The following YPEL2 variants were observed in gnomAD, a reference collection of about 807,000 sequenced individuals.
YPEL2 encodes yippee like 2.
In YPEL2, 2 loss-of-function variants were observed where a neutral mutation model predicts 19.1. The ratio of observed to expected loss-of-function variants is 0.10; its 90% CI spans 0.04 to 0.33. The LOEUF (loss-of-function observed/expected upper bound fraction) is 0.33. Among genes scored for constraint, YPEL2 ranks in the 10% least tolerant of loss-of-function variants. YPEL2 has a pLI of 1.00. For synonymous variants in YPEL2, 52 were observed against 50.0 expected (o/e 1.04, Z -0.17); for missense variants, 66 against 140.7 (o/e 0.47, Z 2.68).
intron 2 of YPEL2, among the ~76,000 whole-genome samples, chr17:59,359,240 G>A (rs1036504001): frequency 2.6e-5 from 4 of 152,150 alleles, no homozygotes; most frequent in Non-Finnish European, 4.4e-5. Context: ...TGTTTTTAAT[G>A]TACAATAAAA....
chr17:59,335,395 C>T (rs1337704625), intron 1 of YPEL2, among the ~76,000 whole-genome samples: 1 of 152,110 alleles, frequency 6.6e-6, no homozygotes, highest in African/African-American at 2.4e-5. Context: ...CCTACTCCCC[C>T]ATCTTCTGCC....
intron 4 of YPEL2, among the ~76,000 whole-genome samples, chr17:59,391,194 C>T (rs2048005663): frequency 3.3e-5 from 5 of 152,120 alleles, no homozygotes; most frequent in Admixed American, 3.3e-4. Flanking sequence ...GGCTCATGAA[C>T]TGCCTCTGGC....
intron 2 of YPEL2, among the ~76,000 whole-genome samples, chr17:59,374,496 AC>A (rs1200808336): frequency 6.6e-6 from 1 of 152,202 alleles, no homozygotes; most frequent in Non-Finnish European, 1.5e-5. Flanking sequence ...AATGGCGCTC[AC>A]CAGAGGAAAG....
In YPEL2 at chr17:59,370,898, A is replaced by T. The variant is rs952344686; in HGVS notation, c.117+17372A>T. Among the ~76,000 whole-genome samples the T allele has an allele frequency of 2.6e-5, 4 of 152,298 alleles. No homozygotes were observed. The East Asian group carries it at 7.7e-4, about 29-fold the overall frequency. On this transcript the variant is annotated intron_variant, in intron 2 of 4. Coordinates refer to ENST00000312655, the MANE Select transcript of YPEL2 (RefSeq NM_001005404.4). ...GAAGCCCCAATTAATGTGTAGTCCA[A>T]CTGGGTCAGGGGGAGTGACCCTGTG...
At chr17:59,340,490 A>C (rs2047723369) in intron 1 of YPEL2, among the ~76,000 whole-genome samples, 1 of 144,540 alleles carries the variant, frequency 6.9e-6, no homozygotes, top group Admixed American at 7.0e-5. Flanking sequence ...ATCTCAGCTC[A>C]CTGCAGGCTC....
intron 2 of YPEL2, among the ~76,000 whole-genome samples, chr17:59,360,839 T>C (rs1185205059): frequency 6.6e-6 from 1 of 152,122 alleles, no homozygotes; most frequent in African/African-American, 2.4e-5. Context: ...GGATTTTTTT[T>C]CTCTTTTTTT....
intron 2 of YPEL2, among the ~76,000 whole-genome samples, chr17:59,386,574 T>C (rs2147956119): frequency 6.6e-6 from 1 of 152,040 alleles, no homozygotes; most frequent in South Asian, 2.1e-4. Flanking sequence ...AAGGACATAA[T>C]GGGGAGGTAG....
At chr17:59,352,318 G>C (rs1227246972) in intron 1 of YPEL2, among the ~76,000 whole-genome samples, 2 of 152,134 alleles carry the variant, frequency 1.3e-5, no homozygotes, top group Non-Finnish European at 2.9e-5. Context: ...AGACCTCGTG[G>C]CCCTGCCCTC....
intron 1 of YPEL2, among the ~76,000 whole-genome samples, chr17:59,341,317 G>A (rs1361504690): frequency 2.6e-5 from 4 of 151,800 alleles, no homozygotes; most frequent in South Asian, 2.1e-4. Flanking sequence ...GCTTGAACCC[G>A]GGAGGCGGAG....
chr17:59,383,967 G>A (rs2047967636), intron 2 of YPEL2, among the ~76,000 whole-genome samples: 1 of 151,972 alleles, frequency 6.6e-6, no homozygotes, highest in South Asian at 2.1e-4. Flanking sequence ...ATTAAGCTGT[G>A]AAAAACACTC....
chr17:59,382,350 A>G (rs1353488993), intron 2 of YPEL2, among the ~76,000 whole-genome samples: 1 of 148,578 alleles, frequency 6.7e-6, no homozygotes, highest in Non-Finnish European at 1.5e-5. Context: ...CCTGGCTGGC[A>G]TTTCTCTGCT....
chr17:59,387,118 G>A (rs1253398272), intron 2 of YPEL2, among the ~76,000 whole-genome samples: 3 of 151,822 alleles, frequency 2.0e-5, no homozygotes, highest in Non-Finnish European at 4.4e-5. Flanking sequence ...AAATTAGCCG[G>A]GTGTTGTGGT....
At chr17:59,336,300 C>T (rs1567727204) in intron 1 of YPEL2, among the ~76,000 whole-genome samples, 1 of 152,198 alleles carries the variant, frequency 6.6e-6, no homozygotes, top group East Asian at 1.9e-4. Context: ...GTTGGCAAAG[C>T]CTCCAAAAGC....
chr17:59,336,573 T>G (rs1364501828), intron 1 of YPEL2, among the ~76,000 whole-genome samples: 2 of 152,214 alleles, frequency 1.3e-5, no homozygotes, highest in African/African-American at 4.8e-5. Flanking sequence ...ATGGTACTAA[T>G]AATAGTTTGC....
intron 4 of YPEL2, among the ~76,000 whole-genome samples, chr17:59,393,984 A>G (rs1007352873): frequency 1.2e-4 from 18 of 152,350 alleles, no homozygotes; most frequent in Admixed American, 3.3e-4. Flanking sequence ...TCTATTCCAC[A>G]AAACCGCCAT....
At chr17:59,375,609 A>G (rs1232045858) in intron 2 of YPEL2, among the ~76,000 whole-genome samples, 1 of 152,212 alleles carries the variant, frequency 6.6e-6, no homozygotes, top group African/African-American at 2.4e-5. Flanking sequence ...CGAGTGATCA[A>G]GCTCTGGTGA....
At chr17:59,341,176 G>A (rs1324321490) in intron 1 of YPEL2, among the ~76,000 whole-genome samples, 1 of 151,060 alleles carries the variant, frequency 6.6e-6, no homozygotes, top group African/African-American at 2.4e-5. Context: ...ACTTTGGGAG[G>A]CCGAGGTGGG....
chr17:59,349,358 C>CTTTTTTTTTTTTTTTTTT (rs58304283), intron 1 of YPEL2, among the ~76,000 whole-genome samples: 2 of 119,212 alleles, frequency 1.7e-5, no homozygotes, highest in Admixed American at 8.8e-5. Flanking sequence ...CCTTTTTTTT[C>CTTTTTTTTTTTTTTTTTT]TTTTTTTTTT....
At position 59,401,681 on chromosome 17, in the gene YPEL2, C is replaced by A. The variant is rs949120941; in HGVS notation, c.*4491C>A. The A allele has an allele frequency of 6.6e-6, 1 of 152,594 alleles. No homozygotes were observed. The highest frequency in any genetic ancestry group is 2.4e-5 in the African/African-American group (1 of 41,430). 9.5% of individuals were successfully genotyped at this position (152,594 alleles called of 1,614,324 possible). On this transcript the variant is annotated 3_prime_UTR_variant, in exon 5 of 5. Coordinates refer to ENST00000312655, the MANE Select transcript of YPEL2 (RefSeq NM_001005404.4). ...AAGTGCATTGTTTCTGTCATATTTC[C>A]AATCTGTGTTGGTGCTCATTTGAGA... is the stretch of plus-strand genomic sequence containing the variant.
Sources: allele counts gnomAD v4.1 joint callset (sites outside exome capture counted in the v4.1 genomes callset), GRCh38; gene constraint gnomAD v4.1.1; transcripts MANE v1.5; gene names NCBI Gene and HGNC (gene_info 2026-07-23, HGNC 2026-07-21).